MYO10: variants seen among roughly 807,000 people sequenced by gnomAD.
MYO10 encodes the protein myosin X.
Under a neutral mutation model 257.3 loss-of-function variants are expected in MYO10, and 133 were observed. The ratio of observed to expected loss-of-function variants is 0.52; its 90% CI spans 0.45 to 0.60. The LOEUF is 0.60. Ranked by LOEUF, MYO10 falls within the 20% of genes least tolerant of loss-of-function variation. The probability of loss-of-function intolerance (pLI) is 0.00; values close to 1 mark genes in which losing one functional copy is unlikely to be tolerated. For missense variants in MYO10, 2,399 were observed against 2,635.7 expected, an observed-to-expected ratio of 0.91 and a Z score of 1.97; for synonymous variants, 1,104 against 1,028.6, an observed-to-expected ratio of 1.07 and a Z score of -1.40.
rs372353260 is a variant in MYO10 at position 16,668,414 on chromosome 5, C to T, written c.5938G>A (p.Val1980Ile). The T allele has an allele frequency of 2.1e-5, 34 of 1,613,614 alleles. No homozygotes were observed. Among genetic ancestry groups the T allele is most frequent in the African/African-American group, 1.9e-4 (14 of 74,892 alleles). Residue 1980 changes from valine to isoleucine, a missense_variant, in exon 40 of 41, where the codon GTC becomes ATC. Coordinates refer to ENST00000513610, the MANE Select transcript of MYO10 (RefSeq NM_012334.3). The stretch of plus-strand genomic sequence containing the variant: ...CCCTCTCCACGCTTGTAGACGGAGA[C>T]GGCGTCCGCGCTGACACCCAACCAG... ...ELWLGVSADA[V>I]SVYKRGEGRP... is the part of the protein sequence containing the mutation.
At position 16,845,900 on chromosome 5, in the gene MYO10, G is replaced by C. The variant is rs890310238; in HGVS notation, c.121-27733C>G. 4.6e-5 allele frequency among the ~76,000 whole-genome samples: 7 copies of C among 151,326 alleles called. 1 individual carries two copies. Among genetic ancestry groups the C allele is most frequent in the Admixed American group, 4.6e-4 (7 of 15,188 alleles). ...AATCACTTGAAACCAGGAGGCAGAG[G>C]TTGCAGTGAGCCGAGATCACACCAC... On this transcript the variant is annotated intron_variant, in intron 2 of 40. Transcript: ENST00000513610.
chr5:16,875,340 G>A (rs577974158), intron 2 of MYO10, among the ~76,000 whole-genome samples: 4 of 152,308 alleles, frequency 2.6e-5, no homozygotes, highest in African/African-American at 9.6e-5. Flanking sequence ...AAGACAGGCG[G>A]AGTGACAGAA....
At chr5:16,777,256 G>A (rs766529564) in intron 9 of MYO10, among the ~76,000 whole-genome samples, 40 of 152,294 alleles carry the variant, frequency 2.6e-4, no homozygotes, top group Non-Finnish European at 5.0e-4. Context: ...TTAGAAAATA[G>A]GAGAGATGGA....
intron 1 of MYO10, chr5:16,916,614 A>G (rs2126796707): frequency 6.6e-6 from 1 of 152,626 alleles, no homozygotes. Context: ...ACCTATAAGC[A>G]GCCTTCCATT....
chr5:16,834,859 C>A (rs1228523263), intron 2 of MYO10, among the ~76,000 whole-genome samples: 1 of 152,192 alleles, frequency 6.6e-6, no homozygotes, highest in Non-Finnish European at 1.5e-5. Flanking sequence ...CAGATGGGCA[C>A]ATTTCCAAGT....
Position 16,711,186 on chromosome 5 carries a change from C to T in MYO10, c.1989G>A (p.Leu663=), listed in dbSNP as rs1428868992. ...VLNQLRYSGM[L]ETVRIRKAGY... The stretch of plus-strand genomic sequence containing the variant: ...CAGCTTTGCGGATTCTCACAGTCTC[C>T]AGCATCCCTGAGTACCGCAGCTGGT... Residue 663 remains leucine, a synonymous_variant, in exon 20 of 41, where the codon CTG becomes CTA. Coordinates refer to ENST00000513610, the MANE Select transcript of MYO10 (RefSeq NM_012334.3). The T allele has an allele frequency of 1.9e-6, 3 of 1,613,618 alleles. No homozygotes were observed. Among genetic ancestry groups the T allele is most frequent in the Middle Eastern group, 1.7e-4 (1 of 6,060 alleles).
At chr5:16,774,203 C>T (rs1277893474) in intron 9 of MYO10, among the ~76,000 whole-genome samples, 4 of 151,958 alleles carry the variant, frequency 2.6e-5, no homozygotes, top group African/African-American at 4.8e-5. Context: ...GGGATGGTGG[C>T]GAATACACGG....
chr5:16,767,030 C>T (rs1740892353), intron 10 of MYO10, among the ~76,000 whole-genome samples: 1 of 151,952 alleles, frequency 6.6e-6, no homozygotes, highest in South Asian at 2.1e-4. Flanking sequence ...CGGCCTACTA[C>T]TTTCATTAAT....
chr5:16,754,689 G>A, intron 19 of MYO10, 139 bp downstream of exon 19: 1 of 479,444 alleles, frequency 2.1e-6, no homozygotes, highest in South Asian at 6.5e-5. Context: ...TTCATTTCAT[G>A]TCAAGTTATA....
intron 3 of MYO10, among the ~76,000 whole-genome samples, chr5:16,811,994 C>T (rs1293929908): frequency 6.6e-6 from 1 of 152,204 alleles, no homozygotes; most frequent in East Asian, 1.9e-4. Flanking sequence ...GGTATTTGCC[C>T]TTGCCAGGTC....
intron 19 of MYO10, among the ~76,000 whole-genome samples, chr5:16,735,597 A>T (rs1561216798): frequency 6.6e-6 from 1 of 150,640 alleles, no homozygotes; most frequent in Non-Finnish European, 1.5e-5. Context: ...TCCCAGCTAC[A>T]TGGGAGGACT....
intron 19 of MYO10, among the ~76,000 whole-genome samples, chr5:16,726,790 C>T (rs948421787): frequency 1.3e-5 from 2 of 152,186 alleles, no homozygotes; most frequent in Admixed American, 6.5e-5. Flanking sequence ...TTAAAACCCA[C>T]GAGATGATAC....
chr5:16,821,249 ATCCTATGTGTACC>A (rs1485596810), intron 2 of MYO10, among the ~76,000 whole-genome samples: 15 of 149,154 alleles, frequency 1.0e-4, no homozygotes, highest in Middle Eastern at 3.5e-3. Context: ...AAATGTGTAC[ATCCTATGTGTACC>A]TCCTATGTGT....
At chr5:16,788,733 G>A (rs1467729203) in intron 4 of MYO10, among the ~76,000 whole-genome samples, 4 of 152,080 alleles carry the variant, frequency 2.6e-5, no homozygotes, top group African/African-American at 9.7e-5. Context: ...GAGAAGCTGA[G>A]GAGTGGCCGT....
intron 3 of MYO10, among the ~76,000 whole-genome samples, chr5:16,806,647 CA>C (rs11378656): frequency 3.1e-4 from 44 of 143,854 alleles, no homozygotes; most frequent in Admixed American, 6.2e-4. Flanking sequence ...GACTCCGTCT[CA>C]AAAAAAAAAA....
Position 16,689,937 on chromosome 5 carries a change from C to G in MYO10, c.3801-18G>C. 2 of 1,556,298 alleles carry G rather than the reference C, an allele frequency of 1.3e-6. No homozygotes were observed. The highest frequency in any genetic ancestry group is 2.2e-5 in the South Asian group (2 of 89,956). On this transcript the variant is annotated intron_variant, in intron 27 of 40. Transcript: ENST00000513610. ...TGATCTCTCTGCAAAGAAGCAAAAG[C>G]AACAAACGCACATCAGGAACACCAA...
chr5:16,725,585 T>C (rs1739332266), intron 19 of MYO10, among the ~76,000 whole-genome samples: 1 of 152,286 alleles, frequency 6.6e-6, no homozygotes, highest in East Asian at 1.9e-4. Context: ...AAAAAAGCAA[T>C]CGTGTGGGAA....
chr5:16,749,343 T>C (rs914845004), intron 19 of MYO10, among the ~76,000 whole-genome samples: 1 of 151,908 alleles, frequency 6.6e-6, no homozygotes, highest in Non-Finnish European at 1.5e-5. Context: ...AAAAATCAGC[T>C]GGGCGTGGTT....
At chr5:16,806,647 C>CAA (rs11378656) in intron 3 of MYO10, among the ~76,000 whole-genome samples, 19,743 of 143,708 alleles carry the variant, frequency 0.14, 1,734 homozygotes, top group Non-Finnish European at 0.19. Context: ...GACTCCGTCT[C>CAA]AAAAAAAAAA....
Sources: allele counts gnomAD v4.1 joint callset (sites outside exome capture counted in the v4.1 genomes callset), GRCh38; gene constraint gnomAD v4.1.1; transcripts MANE v1.5; gene names NCBI Gene and HGNC (gene_info 2026-07-23, HGNC 2026-07-21).